The following WWOX variants were observed in gnomAD, a reference collection of about 807,000 sequenced individuals.
WWOX encodes the protein WW domain-containing oxidoreductase.
A neutral mutation model predicts 46.2 loss-of-function variants in WWOX; 69 were observed. The ratio of observed to expected loss-of-function variants is 1.49; its 90% confidence interval spans 1.23 to 1.82. The LOEUF (loss-of-function observed/expected upper bound fraction) is 1.82. WWOX is among the 40% of genes most tolerant of loss of function. The probability of loss-of-function intolerance (pLI) is 0.00; values close to 1 mark genes in which losing one functional copy is unlikely to be tolerated. For missense variants in WWOX, 919 were observed against 542.6 expected, an observed-to-expected ratio of 1.69 and a Z score of -6.89; for synonymous variants, 359 against 202.6, an observed-to-expected ratio of 1.77 and a Z score of -6.56.
chr16:78,843,632 G>C (rs1168604602), intron 8 of WWOX, among the ~76,000 whole-genome samples: 3 of 132,738 alleles, frequency 2.3e-5, no homozygotes, highest in Non-Finnish European at 5.3e-5. Context: ...ATGAGGAAGT[G>C]AGCAAATCAC....
At chr16:79,097,038 T>A (rs1225021300) in intron 8 of WWOX, among the ~76,000 whole-genome samples, 10 of 152,028 alleles carry the variant, frequency 6.6e-5, no homozygotes, top group Non-Finnish European at 7.4e-5. Context: ...TAGAAGGATC[T>A]CTTCATTTAA....
intron 8 of WWOX, among the ~76,000 whole-genome samples, chr16:79,002,285 G>A (rs934675521): frequency 3.0e-5 from 4 of 132,276 alleles, no homozygotes; most frequent in African/African-American, 2.8e-5. Flanking sequence ...GTGCAATGGC[G>A]TGATCTCAGC....
At chr16:78,268,534 G>T (rs1218731129) in intron 5 of WWOX, among the ~76,000 whole-genome samples, 1 of 152,176 alleles carries the variant, frequency 6.6e-6, no homozygotes, top group Non-Finnish European at 1.5e-5. Flanking sequence ...GTCCAAAGCT[G>T]CATAGGTTGC....
At chr16:78,557,506 A>G (rs904834123) in intron 8 of WWOX, among the ~76,000 whole-genome samples, 2 of 152,086 alleles carry the variant, frequency 1.3e-5, no homozygotes, top group South Asian at 2.1e-4. Flanking sequence ...ATGCCGGAGC[A>G]CTGGGCCCAT....
intron 8 of WWOX, among the ~76,000 whole-genome samples, chr16:79,019,881 T>A (rs2047496458): frequency 6.6e-6 from 1 of 152,228 alleles, no homozygotes; most frequent in Non-Finnish European, 1.5e-5. Flanking sequence ...CCTCGGATCC[T>A]CAATGTTCTT....
intron 8 of WWOX, among the ~76,000 whole-genome samples, chr16:78,634,362 A>G (rs2046512668): frequency 6.6e-6 from 1 of 152,110 alleles, no homozygotes; most frequent in Non-Finnish European, 1.5e-5. Flanking sequence ...TTATTCCCTC[A>G]TTCAGGCACC....
At chr16:79,132,268 A>G (rs2049895634) in intron 8 of WWOX, among the ~76,000 whole-genome samples, 1 of 152,178 alleles carries the variant, frequency 6.6e-6, no homozygotes. Flanking sequence ...TTACATAAAA[A>G]GGCAGCAGTG....
At chr16:78,993,712 C>T (rs1370773143) in intron 8 of WWOX, among the ~76,000 whole-genome samples, 3 of 152,190 alleles carry the variant, frequency 2.0e-5, no homozygotes. Flanking sequence ...CACACAGGGG[C>T]TCCAGCAATC....
intron 8 of WWOX, among the ~76,000 whole-genome samples, chr16:78,736,903 C>G (rs964587452): frequency 1.3e-5 from 2 of 152,092 alleles, no homozygotes; most frequent in African/African-American, 4.8e-5. Flanking sequence ...GGCAATGTGC[C>G]CGGCCCACAA....
At chr16:78,685,297 G>A (rs535247900) in intron 8 of WWOX, among the ~76,000 whole-genome samples, 4 of 152,180 alleles carry the variant, frequency 2.6e-5, no homozygotes, top group African/African-American at 9.6e-5. Flanking sequence ...GCCTGGGGAC[G>A]TCCCTTGGGA....
chr16:78,735,164 G>A (rs528132848), intron 8 of WWOX, among the ~76,000 whole-genome samples: 8 of 152,040 alleles, frequency 5.3e-5, no homozygotes, highest in African/African-American at 1.9e-4. Flanking sequence ...ACCACGTCTG[G>A]CCTGACATCA....
At chr16:79,176,030 C>T (rs1263626399) in intron 8 of WWOX, among the ~76,000 whole-genome samples, 1 of 152,166 alleles carries the variant, frequency 6.6e-6, no homozygotes, top group Non-Finnish European at 1.5e-5. Flanking sequence ...TGGATTTTCC[C>T]TTTGTCTCCA....
intron 5 of WWOX, among the ~76,000 whole-genome samples, chr16:78,381,889 A>G (rs770629314): frequency 1.3e-5 from 2 of 152,040 alleles, no homozygotes; most frequent in East Asian, 3.9e-4. Context: ...TTTTACTCAG[A>G]CAGTCTTGTT....
At chr16:78,709,520 G>A (rs867390841) in intron 8 of WWOX, among the ~76,000 whole-genome samples, 2 of 152,112 alleles carry the variant, frequency 1.3e-5, no homozygotes, top group East Asian at 1.9e-4. Context: ...TCTGATAGAC[G>A]GTGTGCCTCT....
intron 8 of WWOX, among the ~76,000 whole-genome samples, chr16:79,135,249 T>C (rs1203474722): frequency 6.6e-6 from 1 of 152,222 alleles, no homozygotes; most frequent in African/African-American, 2.4e-5. Flanking sequence ...TAAATATGCA[T>C]TCATATTTTG....
intron 8 of WWOX, among the ~76,000 whole-genome samples, chr16:78,487,136 G>T (rs1349521207): frequency 6.6e-6 from 1 of 152,146 alleles, no homozygotes; most frequent in Non-Finnish European, 1.5e-5. Flanking sequence ...CAACAGCATG[G>T]TGACATCAGA....
At chr16:78,248,611 C>T (rs570188586) in intron 5 of WWOX, among the ~76,000 whole-genome samples, 1 of 152,164 alleles carries the variant, frequency 6.6e-6, no homozygotes, top group East Asian at 2.0e-4. Flanking sequence ...CGGCACATAC[C>T]TGTAGTCACA....
rs140036930 is a variant in WWOX, at chr16:79,180,495, G to A, written c.1057-31113G>A. ...CCTCTGTAACCAGGCTCAGCTGTGT[G>A]TCTTCGTGAGCCTCCTTGTGGACCC... is the stretch of plus-strand genomic sequence containing the variant. On this transcript the variant is annotated intron_variant, in intron 8 of 8. Coordinates refer to ENST00000566780, the MANE Select transcript of WWOX (RefSeq NM_016373.4). 2.7e-3 allele frequency among the ~76,000 whole-genome samples: 408 copies of A among 152,316 alleles called. 1 individual carries two copies. The highest frequency in any genetic ancestry group is 9.3e-3 in the African/African-American group (386 of 41,566).
At chr16:78,315,695 A>T (rs1039431706) in intron 5 of WWOX, among the ~76,000 whole-genome samples, 1 of 152,174 alleles carries the variant, frequency 6.6e-6, no homozygotes, top group East Asian at 1.9e-4. Context: ...AGAGGGGAAA[A>T]CAATCATTTC....
Sources: gnomAD v4.1 joint callset for allele counts (sites outside exome capture counted in the v4.1 genomes callset) on GRCh38, gnomAD v4.1.1 for gene constraint, MANE v1.5 for transcripts, NCBI Gene and HGNC (gene_info 2026-07-23, HGNC 2026-07-21) for gene names.